The following NSG2 variants were observed in gnomAD, a reference collection of about 807,000 sequenced individuals.
The protein encoded by NSG2 is neuronal vesicle trafficking associated 2, also known as neuronal vesicle trafficking-associated protein 2.
In NSG2, 4 loss-of-function variants were observed where a neutral mutation model predicts 16.9. The observed-to-expected ratio is 0.24, with a 90% CI of 0.12 to 0.54. The LOEUF is 0.54. Among genes scored for constraint, NSG2 ranks in the 20% least tolerant of loss-of-function variants. The pLI is 0.95. For missense variants in NSG2, 179 were observed against 221.1 expected (o/e 0.81, Z 1.21); for synonymous variants, 98 against 88.7 (o/e 1.11, Z -0.59).
intron 3 of NSG2, among the ~76,000 whole-genome samples, chr5:174,094,667 A>G (rs1760767456): frequency 6.6e-6 from 1 of 152,332 alleles, no homozygotes. Context: ...GCAGACAAAG[A>G]GGCCACTTCA....
intron 2 of NSG2, among the ~76,000 whole-genome samples, chr5:174,047,703 T>C (rs1488228959): frequency 6.6e-6 from 1 of 152,088 alleles, no homozygotes; most frequent in African/African-American, 2.4e-5. Flanking sequence ...TCTCCTGACA[T>C]GGGAGTAGTC....
chr5:174,093,887 T>C (rs1246200207), intron 3 of NSG2, among the ~76,000 whole-genome samples: 1 of 152,190 alleles, frequency 6.6e-6, no homozygotes, highest in African/African-American at 2.4e-5. Context: ...CCTGACATGA[T>C]GAGGGTCCTA....
chr5:174,077,832 TGGG>T (rs1327195019), intron 3 of NSG2, among the ~76,000 whole-genome samples: 1 of 152,230 alleles, frequency 6.6e-6, no homozygotes, highest in Non-Finnish European at 1.5e-5. Flanking sequence ...CTATACATTC[TGGG>T]GCCTTGAATA....
chr5:174,076,325 T>C (rs1332054554), intron 3 of NSG2, among the ~76,000 whole-genome samples: 2 of 147,956 alleles, frequency 1.4e-5, no homozygotes, highest in Admixed American at 6.7e-5. Context: ...GGTGTTTTCA[T>C]AGTCTTTAAA....
At position 174,061,451 on chromosome 5, in the gene NSG2, C is replaced by T. The variant is rs559997361; in HGVS notation, c.130-2781C>T. The stretch of plus-strand genomic sequence containing the variant: ...TTTGTTTACATCAGCTTCCGACTCT[C>T]GTATTCGCATTGCAGTTCACATGCC... On this transcript the variant is annotated intron_variant, in intron 2 of 4. Coordinates refer to ENST00000303177, the MANE Select transcript of NSG2 (RefSeq NM_015980.5). Among the ~76,000 whole-genome samples, 51 of 152,316 alleles carry T rather than the reference C, an allele frequency of 3.3e-4. 1 individual carries two copies. Among genetic ancestry groups the T allele is most frequent in the African/African-American group, 1.2e-4 (5 of 41,578 alleles).
intron 3 of NSG2, among the ~76,000 whole-genome samples, chr5:174,095,434 GA>G (rs2113470077): frequency 6.6e-6 from 1 of 152,220 alleles, no homozygotes; most frequent in African/African-American, 2.4e-5. Flanking sequence ...GGCTTGTGGT[GA>G]GCGCAGGTGT....
At chr5:174,106,581 G>A (rs1378537335) in intron 4 of NSG2, among the ~76,000 whole-genome samples, 3 of 128,048 alleles carry the variant, frequency 2.3e-5, no homozygotes, top group Non-Finnish European at 3.2e-5. Context: ...TAGGAATGAA[G>A]CCTTTTTTTT....
At chr5:174,054,310 C>A (rs1040290990) in intron 2 of NSG2, among the ~76,000 whole-genome samples, 6 of 152,180 alleles carry the variant, frequency 3.9e-5, no homozygotes, top group African/African-American at 1.2e-4. Context: ...TAGGTGCGTT[C>A]CATTTGAAGA....
chr5:174,061,527 T>C (rs1488757998), intron 2 of NSG2, among the ~76,000 whole-genome samples: 1 of 152,248 alleles, frequency 6.6e-6, no homozygotes, highest in Non-Finnish European at 1.5e-5. Flanking sequence ...TTTGTTTCTT[T>C]GGCTCTGTGG....
chr5:174,083,873 A>G (rs556142507), intron 3 of NSG2, among the ~76,000 whole-genome samples: 1 of 152,106 alleles, frequency 6.6e-6, no homozygotes, highest in South Asian at 2.1e-4. Flanking sequence ...TATTGTAATC[A>G]CTCCCTTTGT....
chr5:174,050,908 T>G (rs2113418756), intron 2 of NSG2, among the ~76,000 whole-genome samples: 1 of 152,226 alleles, frequency 6.6e-6, no homozygotes, highest in South Asian at 2.1e-4. Context: ...TCCCCAGGGC[T>G]GTGCCTTGGT....
At chr5:174,050,765 G>GCTCT (rs1759876084) in intron 2 of NSG2, among the ~76,000 whole-genome samples, 1 of 152,072 alleles carries the variant, frequency 6.6e-6, no homozygotes, top group South Asian at 2.1e-4. Context: ...AGGCCCCAGT[G>GCTCT]CTCTCTCCCT....
intron 3 of NSG2, among the ~76,000 whole-genome samples, chr5:174,087,409 C>A (rs569195997): frequency 1.3e-5 from 2 of 152,248 alleles, no homozygotes; most frequent in East Asian, 1.9e-4. Context: ...CTTAACTACT[C>A]CGTGTTTCAT....
At chr5:174,078,451 TG>T (rs1760385728) in intron 3 of NSG2, among the ~76,000 whole-genome samples, 1 of 152,238 alleles carries the variant, frequency 6.6e-6, no homozygotes, top group African/African-American at 2.4e-5. Context: ...TTCCTGTTAA[TG>T]GTTGTAGACA....
At chr5:174,058,281 A>T (rs953584206) in intron 2 of NSG2, among the ~76,000 whole-genome samples, 3 of 152,146 alleles carry the variant, frequency 2.0e-5, no homozygotes, top group Admixed American at 1.3e-4. Flanking sequence ...AATGAACTTG[A>T]TTAGCCAGGT....
intron 4 of NSG2, among the ~76,000 whole-genome samples, chr5:174,105,039 A>G (rs111973117): frequency 2.7e-5 from 4 of 148,472 alleles, no homozygotes; most frequent in African/African-American, 1.0e-4. Context: ...AATATTTATA[A>G]TTACCATTTG....
chr5:174,093,845 G>T (rs536392894), intron 3 of NSG2, among the ~76,000 whole-genome samples: 34 of 152,312 alleles, frequency 2.2e-4, no homozygotes, highest in African/African-American at 7.2e-4. Context: ...CTAAGATGTG[G>T]CAGTACCTGA....
chr5:174,055,590 ACT>A (rs1438727023), intron 2 of NSG2, among the ~76,000 whole-genome samples: 1 of 151,986 alleles, frequency 6.6e-6, no homozygotes, highest in Non-Finnish European at 1.5e-5. Flanking sequence ...ACAGAGCGAG[ACT>A]CTGTCTCAAA....
At chr5:174,057,472 C>G (rs1233382953) in intron 2 of NSG2, among the ~76,000 whole-genome samples, 21 of 148,438 alleles carry the variant, frequency 1.4e-4, no homozygotes, top group Admixed American at 1.4e-3. Context: ...TCTGGCTCTA[C>G]TCCACAGGAA....
Sources: gnomAD v4.1 joint callset for allele counts (sites outside exome capture counted in the v4.1 genomes callset) on GRCh38, gnomAD v4.1.1 for gene constraint, MANE v1.5 for transcripts, NCBI Gene and HGNC (gene_info 2026-07-23, HGNC 2026-07-21) for gene names.